Variants in TRPM4 observed in about 807,000 individuals in gnomAD.
TRPM4 encodes the protein calcium-activated non-selective cation channel 1.
TRPM4 carries 124 observed loss-of-function variants against 135.6 expected under a neutral mutation model. The ratio of observed to expected loss-of-function variants is 0.91; its 90% confidence interval spans 0.79 to 1.06. TRPM4 has a LOEUF of 1.06. Ranked by LOEUF, TRPM4 falls within the 50% of genes least tolerant of loss-of-function variation. The pLI, the probability that TRPM4 is intolerant of heterozygous loss-of-function variation, is 0.00. For missense variants in TRPM4, 1,658 were observed against 1,671.4 expected (o/e 0.99, Z 0.14); for synonymous variants, 745 against 705.6 (o/e 1.06, Z -0.88).
At position 49,200,619 on chromosome 19, in the gene TRPM4, CGTG is replaced by C. The variant is rs760690848; in HGVS notation, c.2788_2790del (p.Val930del). ...GCCACATCTCCCCACAGATGAAGGA[CGTG>C]TTCTTCTTCCTCTTCTTCCTCGGCG... is the stretch of plus-strand genomic sequence containing the variant. On this transcript the variant is annotated inframe_deletion, in exon 19 of 25. Coordinates refer to ENST00000252826, the MANE Select transcript of TRPM4 (RefSeq NM_017636.4). The C allele has an allele frequency of 6.2e-7, 1 of 1,613,124 alleles. No individual in the cohort carries two copies. Among genetic ancestry groups the C allele is most frequent in the African/African-American group, 1.3e-5 (1 of 75,026 alleles).
chr19:49,208,506 ACT>A (rs146031825), intron 20 of TRPM4, among the ~76,000 whole-genome samples: 5,097 of 151,994 alleles, frequency 0.034, 247 homozygotes, highest in African/African-American at 0.11. Context: ...GAAGGCTCAC[ACT>A]CTGTCTTCTG....
intron 20 of TRPM4, among the ~76,000 whole-genome samples, chr19:49,207,819 T>C (rs114282958): frequency 0.018 from 2,664 of 151,056 alleles, 53 homozygotes; most frequent in African/African-American, 0.053. Flanking sequence ...AGACAAGAGA[T>C]TGTAGAAATG....
rs746446243 is a variant in TRPM4 at position 49,202,127 on chromosome 19, C to T, written c.3117C>T (p.Leu1039=). ...LVANILLVNL[L]IAMFSYTFGK... is the part of the protein sequence containing the mutation. ...CCAACATCCTGCTGGTCAACTTGCTCATTGCCATGTTCAGGTGAGGCCTGA... is the reference window on the plus strand; with the variant it reads ...CCAACATCCTGCTGGTCAACTTGCTTATTGCCATGTTCAGGTGAGGCCTGA... Residue 1039 remains leucine, a synonymous_variant, in exon 20 of 25, where the codon CTC becomes CTT. Coordinates refer to ENST00000252826, the MANE Select transcript of TRPM4 (RefSeq NM_017636.4). 3 of 1,614,074 alleles carry T rather than the reference C, an allele frequency of 1.9e-6. No homozygotes were observed. Among genetic ancestry groups the T allele is most frequent in the South Asian group, 1.1e-5 (1 of 91,062 alleles).
intron 9 of TRPM4, among the ~76,000 whole-genome samples, chr19:49,179,414 G>A (rs1967830448): frequency 6.6e-6 from 1 of 151,400 alleles, no homozygotes; most frequent in South Asian, 2.1e-4. Flanking sequence ...GCAGTGACGT[G>A]ATCTCGGCTC....
rs752261543 is a variant in TRPM4, at chr19:49,167,917, TTCC to T, written c.272_274del (p.Leu91del). On this transcript the variant is annotated inframe_deletion and splice_region_variant, in exon 4 of 25. Coordinates refer to ENST00000252826, the MANE Select transcript of TRPM4 (RefSeq NM_017636.4). ...GTGCCCCGCTCCCATGTGTCCACAG[TTCC>T]TCCGGCTCTCTGACCGAACGGATCC... 12 of 1,613,868 alleles carry T rather than the reference TTCC, an allele frequency of 7.4e-6. No homozygotes were observed. The highest frequency in any genetic ancestry group is 1.0e-5 in the Non-Finnish European group (12 of 1,179,996).
intron 2 of TRPM4, among the ~76,000 whole-genome samples, chr19:49,164,095 T>C (rs1967068770): frequency 6.6e-6 from 1 of 152,230 alleles, no homozygotes; most frequent in Non-Finnish European, 1.5e-5. Flanking sequence ...TCTGTAAAAT[T>C]GCTCTTAAAT....
intron 2 of TRPM4, among the ~76,000 whole-genome samples, chr19:49,164,274 T>C (rs1568455244): frequency 8.0e-6 from 1 of 124,686 alleles, no homozygotes; most frequent in Non-Finnish European, 1.8e-5. Context: ...TTTCTCTCTC[T>C]TTCCCTCCCT....
Position 49,210,786 on chromosome 19 carries a change from A to G in TRPM4, c.3405A>G (p.Ala1135=). 1 of 1,613,956 alleles carries G rather than the reference A, an allele frequency of 6.2e-7. No homozygotes were observed. Among genetic ancestry groups the G allele is most frequent in the South Asian group, 1.1e-5 (1 of 90,996 alleles). The part of the protein sequence containing the change: ...ESVHKENFLL[A]RARDKRESDS... ...TGCATAAGGAGAACTTTCTGCTGGC[A>G]CGCGCTAGGGACAAGCGGGAGAGCG... Residue 1135 remains alanine (A), a synonymous_variant, in exon 22 of 25, where the codon GCA becomes GCG. Coordinates refer to ENST00000252826, the MANE Select transcript of TRPM4 (RefSeq NM_017636.4). This position sits in a 1 kb window ranked among gnomAD's most constrained non-coding sequence, Gnocchi z 4.1.
At chr19:49,158,324 G>T (rs2041558556) in intron 2 of TRPM4, 65 bp downstream of exon 2, 3 of 1,481,636 alleles carry the variant, frequency 2.0e-6, no homozygotes, top group South Asian at 1.1e-5. Flanking sequence ...CCCGCGGATG[G>T]TCACGCCCCA....
chr19:49,199,733 T>G (rs975227930), intron 17 of TRPM4, among the ~76,000 whole-genome samples: 1 of 149,116 alleles, frequency 6.7e-6, no homozygotes, highest in Non-Finnish European at 1.5e-5. Context: ...TTTCTTTTCT[T>G]TTTTTTGAGC....
chr19:49,197,771 C>T (rs1021190326), intron 17 of TRPM4, among the ~76,000 whole-genome samples: 2 of 151,934 alleles, frequency 1.3e-5, no homozygotes, highest in Admixed American at 6.6e-5. Flanking sequence ...CAACCTCCAC[C>T]TCCTGGGTTC....
At position 49,188,950 on chromosome 19, in the gene TRPM4, C is replaced by T. The variant is rs1968305015; in HGVS notation, c.1878C>T (p.Leu626=). 10 of 1,614,168 alleles carry T rather than the reference C, an allele frequency of 6.2e-6. No individual in the cohort carries two copies. In the East Asian group the frequency reaches 2.2e-4, roughly 36 times the overall value. Residue 626 remains leucine (L), a synonymous_variant, in exon 14 of 25, where the codon CTC becomes CTT. Coordinates refer to ENST00000252826, the MANE Select transcript of TRPM4 (RefSeq NM_017636.4). ...TAACTAACTCCTCTGCCCCAGACCTCTTTGGCGAGTGCTATCGCAGCAGTG... is the reference window on the plus strand; with the variant it reads ...TAACTAACTCCTCTGCCCCAGACCTTTTTGGCGAGTGCTATCGCAGCAGTG... ...AFKFEGMGVD[L]FGECYRSSEV...
rs189458555 is a variant in TRPM4, at chr19:49,172,691, C to T, written c.1150+583C>T. On this transcript the variant is annotated intron_variant, in intron 9 of 24. Transcript: ENST00000252826. ...CGAAAATTCCTGAGAATTCCATCCA[C>T]TCATTCCTCCATCCATCCATCTTCT... Among the ~76,000 whole-genome samples, 66 of 151,688 alleles carry T rather than the reference C, an allele frequency of 4.4e-4. 1 individual carries two copies. The highest frequency in any genetic ancestry group is 1.5e-3 in the African/African-American group (60 of 41,290).
chr19:49,190,829 A>C, intron 16 of TRPM4, 56 bp downstream of exon 16: 1 of 1,518,466 alleles, frequency 6.6e-7, no homozygotes, highest in Non-Finnish European at 9.1e-7. Context: ...AGTTCAGGAC[A>C]TGTGCCAGTT....
At chr19:49,204,275 A>C (rs543388034) in intron 20 of TRPM4, among the ~76,000 whole-genome samples, 1 of 152,290 alleles carries the variant, frequency 6.6e-6, no homozygotes, top group East Asian at 1.9e-4. Context: ...TGTGTATCTC[A>C]AAGTGGAATT....
chr19:49,194,493 C>T (rs1968548984), intron 16 of TRPM4, among the ~76,000 whole-genome samples: 1 of 152,082 alleles, frequency 6.6e-6, no homozygotes, highest in Non-Finnish European at 1.5e-5. Context: ...GATCTTCCCA[C>T]CTCGGCTTCC....
chr19:49,186,873 CAA>C (rs552909059), intron 12 of TRPM4, among the ~76,000 whole-genome samples: 14 of 113,816 alleles, frequency 1.2e-4, no homozygotes, highest in Admixed American at 1.8e-4. Context: ...AACTCCGTCT[CAA>C]AAAAAAAAAA....
chr19:49,200,687 T>C lies in TRPM4; in HGVS notation c.2855T>C (p.Leu952Pro), dbSNP rs1193203024. The C allele has an allele frequency of 6.2e-7, 1 of 1,613,944 alleles. No homozygotes were observed. Among genetic ancestry groups the C allele is most frequent in the African/African-American group, 1.3e-5 (1 of 74,922 alleles). Residue 952 changes from leucine to proline, a missense_variant, in exon 19 of 25, where the codon CTG becomes CCG. Transcript: ENST00000252826. ...TATGGCGTGGCCACGGAGGGGCTCC[T>C]GAGGCCACGGGACAGTGACTTCCCA... ...VAYGVATEGL[L>P]RPRDSDFPSI...
chr19:49,175,373 C>A (rs1412155152), intron 9 of TRPM4, among the ~76,000 whole-genome samples: 1 of 151,752 alleles, frequency 6.6e-6, no homozygotes, highest in African/African-American at 2.4e-5. Flanking sequence ...CTGTGCCCAG[C>A]CTTTTTTGTA....
Sources: allele counts gnomAD v4.1 joint callset (sites outside exome capture counted in the v4.1 genomes callset), GRCh38; gene constraint gnomAD v4.1.1; non-coding constraint Gnocchi (gnomAD v3.1); transcripts MANE v1.5; gene names NCBI Gene and HGNC (gene_info 2026-07-23, HGNC 2026-07-21).